Variants in LAMA2 observed in about 807,000 individuals in gnomAD.
The protein encoded by LAMA2 is laminin subunit alpha 2.
LAMA2 carries 269 observed loss-of-function variants against 364.8 expected under a neutral mutation model. The observed-to-expected ratio is 0.74, with a 90% CI of 0.67 to 0.82. The LOEUF (loss-of-function observed/expected upper bound fraction) is 0.82. Among genes scored for constraint, LAMA2 ranks in the 40% least tolerant of loss-of-function variants. The pLI, the probability that LAMA2 is intolerant of heterozygous loss-of-function variation, is 0.00. For synonymous variants in LAMA2, 1,379 were observed against 1,370.6 expected (o/e 1.01, Z -0.14); for missense variants, 3,807 against 3,873.2 (o/e 0.98, Z 0.45).
chr6:129,441,951 C>T (rs1239170838), intron 43 of LAMA2, among the ~76,000 whole-genome samples: 1 of 151,896 alleles, frequency 6.6e-6, no homozygotes, highest in East Asian at 1.9e-4. Flanking sequence ...CCACTGCACT[C>T]CAGCCTGGGT....
chr6:129,050,302 G>A lies in LAMA2; in HGVS notation c.283+214G>A, dbSNP rs115662437. ...TAAGTACAGTGATTGGAGATGATTC[G>A]CCAGCTGAAGGCCTGTGGCAGTCAT... On this transcript the variant is annotated intron_variant, in intron 2 of 64. Transcript: ENST00000421865. Among the ~76,000 whole-genome samples, 652 of 152,222 alleles carry A rather than the reference G, an allele frequency of 4.3e-3. 5 individuals are homozygous for A. Among genetic ancestry groups the A allele is most frequent in the African/African-American group, 0.015 (623 of 41,524 alleles).
chr6:129,165,566 T>A lies in LAMA2; in HGVS notation c.1207-10T>A, dbSNP rs779863501. The A allele has an allele frequency of 8.8e-5, 139 of 1,579,060 alleles. 2 individuals carry two copies. Among genetic ancestry groups the A allele is most frequent in the Middle Eastern group, 3.3e-4 (2 of 6,020 alleles). ...ACACTTCGTTAAATTCATTTTAATA[T>A]TTTTGTTAGGTATCTCCAAATTATC... is the stretch of plus-strand genomic sequence containing the variant. On this transcript the variant is annotated splice_polypyrimidine_tract_variant and intron_variant, in intron 8 of 64. Coordinates refer to ENST00000421865, the MANE Select transcript of LAMA2 (RefSeq NM_000426.4).
intron 28 of LAMA2, among the ~76,000 whole-genome samples, chr6:129,322,741 T>C (rs927911057): frequency 5.9e-5 from 9 of 152,158 alleles, no homozygotes; most frequent in Admixed American, 5.9e-4. Context: ...TGAACAAAAA[T>C]GTTAGTAGAA....
chr6:129,362,752 A>G (rs1295543129), intron 32 of LAMA2, among the ~76,000 whole-genome samples: 1 of 152,094 alleles, frequency 6.6e-6, no homozygotes, highest in Non-Finnish European at 1.5e-5. Flanking sequence ...GGCGCAGGGT[A>G]TAGGGCTGGG....
rs1283668496 is a variant in LAMA2 at position 129,315,547 on chromosome 6, C to G, written c.3627C>G (p.Gly1209=). 2 of 1,613,998 alleles carry G rather than the reference C, an allele frequency of 1.2e-6. No homozygotes were observed. The highest frequency in any genetic ancestry group is 1.7e-5 in the Admixed American group (1 of 59,992). ...CTCTGCAGCACACGACCACCAAGGG[C>G]ATTGTTTTTCAACATCCAGAGATTG... ...DEALQHTTTK[G]IVFQHPEIVA... The change falls in exon 25 of 65, where the codon GGC becomes GGG. Residue 1209 remains glycine (G), a synonymous_variant. Transcript: ENST00000421865.
intron 4 of LAMA2, among the ~76,000 whole-genome samples, chr6:129,122,103 A>G (rs963586574): frequency 6.6e-6 from 1 of 152,250 alleles, no homozygotes; most frequent in Non-Finnish European, 1.5e-5. Flanking sequence ...AAACTGATTT[A>G]CTGGTTGTAT....
At chr6:129,041,741 G>A (rs1289255502) in intron 1 of LAMA2, among the ~76,000 whole-genome samples, 1 of 152,116 alleles carries the variant, frequency 6.6e-6, no homozygotes, top group Non-Finnish European at 1.5e-5. Flanking sequence ...AGTGGCTGAT[G>A]CCTGTAATCC....
intron 2 of LAMA2, among the ~76,000 whole-genome samples, chr6:129,053,370 T>C (rs1482554478): frequency 2.6e-5 from 4 of 152,148 alleles, no homozygotes; most frequent in Non-Finnish European, 5.9e-5. Flanking sequence ...CGGCCGACTC[T>C]GGTGAATTTC....
At chr6:129,286,615 T>C (rs1583417393) in intron 18 of LAMA2, among the ~76,000 whole-genome samples, 1 of 97,352 alleles carries the variant, frequency 1.0e-5, no homozygotes, top group Non-Finnish European at 1.8e-5. Flanking sequence ...ATATTATATT[T>C]ATATAATATA....
At chr6:129,418,213 A>G (rs1190576813) in intron 40 of LAMA2, among the ~76,000 whole-genome samples, 1 of 152,126 alleles carries the variant, frequency 6.6e-6, no homozygotes, top group African/African-American at 2.4e-5. Flanking sequence ...TCAGAAAAGA[A>G]AGTCTTTAGA....
At chr6:129,101,486 C>G (rs894347355) in intron 4 of LAMA2, among the ~76,000 whole-genome samples, 2 of 152,092 alleles carry the variant, frequency 1.3e-5, no homozygotes, top group African/African-American at 4.8e-5. Context: ...TTTGGAGTGA[C>G]TTTTCTCTGA....
At chr6:129,215,054 A>G (rs1199958061) in intron 12 of LAMA2, among the ~76,000 whole-genome samples, 1 of 152,110 alleles carries the variant, frequency 6.6e-6, no homozygotes, top group Non-Finnish European at 1.5e-5. Flanking sequence ...TTGTGTTTTT[A>G]ACTTCACATT....
Position 129,445,664 on chromosome 6 carries a change from C to T in LAMA2, c.6275-3C>T. The T allele has an allele frequency of 1.2e-6, 2 of 1,613,440 alleles. No homozygotes were observed. The highest frequency in any genetic ancestry group is 1.7e-6 in the Non-Finnish European group (2 of 1,179,448). ...ACATGCACACTAATTTTGTTCTATGCAGTTGCCGATGCAGATGCCACTGTC... is the reference window on the plus strand; with the variant it reads ...ACATGCACACTAATTTTGTTCTATGTAGTTGCCGATGCAGATGCCACTGTC... On this transcript the variant is annotated splice_region_variant and splice_polypyrimidine_tract_variant and intron_variant, in intron 44 of 64. Transcript: ENST00000421865.
At chr6:129,080,699 TC>T (rs1229085368) in intron 3 of LAMA2, among the ~76,000 whole-genome samples, 1 of 152,052 alleles carries the variant, frequency 6.6e-6, no homozygotes, top group African/African-American at 2.4e-5. Flanking sequence ...AGAGATACCA[TC>T]CCACACCAGT....
chr6:129,327,431 G>A (rs1422193472), intron 28 of LAMA2, among the ~76,000 whole-genome samples: 1 of 152,112 alleles, frequency 6.6e-6, no homozygotes, highest in East Asian at 1.9e-4. Flanking sequence ...CTTAACCAAG[G>A]TGGTAAAATA....
At chr6:129,375,685 GT>G (rs1778332134) in intron 34 of LAMA2, among the ~76,000 whole-genome samples, 1 of 152,142 alleles carries the variant, frequency 6.6e-6, no homozygotes, top group South Asian at 2.1e-4. Context: ...CTCAGTCCAT[GT>G]TTTCCCTCAC....
At chr6:129,215,498 CA>C (rs1783370701) in intron 12 of LAMA2, among the ~76,000 whole-genome samples, 1 of 152,110 alleles carries the variant, frequency 6.6e-6, no homozygotes, top group African/African-American at 2.4e-5. Context: ...AAGGATGCTG[CA>C]GAGAGATATA....
intron 1 of LAMA2, among the ~76,000 whole-genome samples, chr6:128,953,298 T>G (rs952090553): frequency 3.3e-5 from 5 of 152,214 alleles, no homozygotes; most frequent in Admixed American, 2.0e-4. Context: ...AAAACTATCT[T>G]CTTGATTTTA....
chr6:129,190,486 T>A, intron 11 of LAMA2, 141 bp downstream of exon 11: 1 of 853,274 alleles, frequency 1.2e-6, no homozygotes, highest in Non-Finnish European at 1.8e-6. Context: ...TTTCTTCAAA[T>A]GCTGTTGTGT....
Sources: allele counts gnomAD v4.1 joint callset (sites outside exome capture counted in the v4.1 genomes callset), GRCh38; gene constraint gnomAD v4.1.1; transcripts MANE v1.5; gene names NCBI Gene and HGNC (gene_info 2026-07-23, HGNC 2026-07-21).